The following AFG2A variants were observed in gnomAD, a reference collection of about 807,000 sequenced individuals.
AFG2A encodes ATPase family gene 2 protein homolog A.
chr4:123,152,184 A>G, the AFG2A span, among the ~76,000 whole-genome samples: 2 of 152,166 alleles, frequency 1.3e-5, no homozygotes, highest in East Asian at 1.9e-4. Flanking sequence ...CATGTAAATG[A>G]TGGGCTGATG....
chr4:123,074,156 C>T, the AFG2A span, among the ~76,000 whole-genome samples: 25 of 136,184 alleles, frequency 1.8e-4, no homozygotes, highest in Middle Eastern at 5.1e-3. Flanking sequence ...TGCAGTGGCG[C>T]GAACTTGGCT....
the AFG2A span, among the ~76,000 whole-genome samples, chr4:123,111,395 G>A: frequency 6.6e-6 from 1 of 152,050 alleles, no homozygotes; most frequent in Non-Finnish European, 1.5e-5. Context: ...GCCTTTCTTT[G>A]ATGAAAGACA....
chr4:123,111,707 ACTT>A, the AFG2A span, among the ~76,000 whole-genome samples: 15 of 150,416 alleles, frequency 1.0e-4, no homozygotes, highest in Admixed American at 2.6e-4. Flanking sequence ...TTTGTATTAT[ACTT>A]CTTCTTCTTC....
At chr4:123,308,559 T>C in the AFG2A span, among the ~76,000 whole-genome samples, 2 of 152,128 alleles carry the variant, frequency 1.3e-5, no homozygotes, top group Non-Finnish European at 2.9e-5. Flanking sequence ...GGTTGTGCAC[T>C]CCTTATGAGA....
the AFG2A span, among the ~76,000 whole-genome samples, chr4:122,939,811 G>A: frequency 6.6e-6 from 1 of 152,132 alleles, no homozygotes; most frequent in Admixed American, 6.5e-5. Flanking sequence ...GCCCCAGAGT[G>A]TGATGGTCCC....
the AFG2A span, among the ~76,000 whole-genome samples, chr4:122,967,892 G>GT: frequency 2.0e-5 from 3 of 152,158 alleles, no homozygotes; most frequent in East Asian, 5.8e-4. Flanking sequence ...ATATTTTCCT[G>GT]TTTTAGTAAT....
the AFG2A span, among the ~76,000 whole-genome samples, chr4:122,964,658 C>T: frequency 2.8e-4 from 43 of 152,080 alleles, no homozygotes; most frequent in African/African-American, 9.9e-4. Flanking sequence ...TAAGCCTTGG[C>T]TTAAGGTTCA....
chr4:122,940,371 T>C, the AFG2A span, among the ~76,000 whole-genome samples: 1 of 152,220 alleles, frequency 6.6e-6, no homozygotes, highest in African/African-American at 2.4e-5. Flanking sequence ...TTTGCATTTC[T>C]CTGATGGCCA....
chr4:123,162,501 A>G, the AFG2A span, among the ~76,000 whole-genome samples: 1 of 152,184 alleles, frequency 6.6e-6, no homozygotes, highest in Non-Finnish European at 1.5e-5. Context: ...CTAATATCAG[A>G]TGGAAAAGAA....
chr4:123,281,193 A>C, the AFG2A span, among the ~76,000 whole-genome samples: 1 of 152,134 alleles, frequency 6.6e-6, no homozygotes, highest in African/African-American at 2.4e-5. Context: ...GATAAAGGGA[A>C]AAAGGGTAGG....
At chr4:123,087,999 A>T in the AFG2A span, among the ~76,000 whole-genome samples, 2 of 152,188 alleles carry the variant, frequency 1.3e-5, no homozygotes, top group African/African-American at 4.8e-5. Context: ...CAAAAACACA[A>T]ATCTGATTAG....
the AFG2A span, among the ~76,000 whole-genome samples, chr4:123,056,836 G>A: frequency 6.6e-6 from 1 of 152,082 alleles, no homozygotes; most frequent in African/African-American, 2.4e-5. Context: ...TTCTGAGGTA[G>A]GTGTTTATTA....
At chr4:123,063,941 A>G in the AFG2A span, among the ~76,000 whole-genome samples, 1 of 152,210 alleles carries the variant, frequency 6.6e-6, no homozygotes, top group Non-Finnish European at 1.5e-5. Flanking sequence ...TGCAGCCAGC[A>G]CATTGTAAGT....
the AFG2A span, chr4:123,028,463 A>AAAGGTAGGAGT: frequency 7.6e-7 from 1 of 1,319,692 alleles, no homozygotes; most frequent in Non-Finnish European, 1.1e-6. Flanking sequence ...TCTGACTCCT[A>AAAGGTAGGAGT]CCTTTAGGAG....
At chr4:123,138,119 C>G in the AFG2A span, among the ~76,000 whole-genome samples, 7 of 152,106 alleles carry the variant, frequency 4.6e-5, no homozygotes, top group Non-Finnish European at 2.9e-5. Flanking sequence ...TAATTTCAGC[C>G]TATAGTGTGC....
the AFG2A span, among the ~76,000 whole-genome samples, chr4:123,170,958 G>A: frequency 2.0e-5 from 3 of 152,150 alleles, no homozygotes; most frequent in Non-Finnish European, 4.4e-5. Context: ...AGGATTAAAT[G>A]AGATCATATC....
chr4:123,047,182 C>T, the AFG2A span, among the ~76,000 whole-genome samples: 8 of 152,128 alleles, frequency 5.3e-5, no homozygotes, highest in African/African-American at 9.7e-5. Context: ...CACTGCTTTC[C>T]GTAAATGGCT....
the AFG2A span, among the ~76,000 whole-genome samples, chr4:123,143,323 C>T: frequency 6.6e-6 from 1 of 152,030 alleles, no homozygotes; most frequent in Non-Finnish European, 1.5e-5. Context: ...AATATTTCAG[C>T]AAGTTTTCAG....
the AFG2A span, among the ~76,000 whole-genome samples, chr4:122,998,402 C>T: frequency 6.6e-6 from 1 of 151,924 alleles, no homozygotes; most frequent in Non-Finnish European, 1.5e-5. Context: ...TGCTGGTGTG[C>T]TGCACCCATT....
Sources: gnomAD v4.1 joint callset for allele counts (sites outside exome capture counted in the v4.1 genomes callset) on GRCh38, gnomAD v4.1.1 for gene constraint, MANE v1.5 for transcripts, NCBI Gene and HGNC (gene_info 2026-07-23, HGNC 2026-07-21) for gene names.